Variants in FRMPD4 observed in about 807,000 individuals in gnomAD.
FRMPD4 encodes FERM and PDZ domain containing 4.
Under a neutral mutation model 94.1 loss-of-function variants are expected in FRMPD4, and 22 were observed. The ratio of observed to expected loss-of-function variants is 0.23; its 90% CI spans 0.17 to 0.33. The LOEUF is 0.33. Among genes scored for constraint, FRMPD4 ranks in the 10% least tolerant of loss-of-function variants. FRMPD4 has a pLI of 1.00. For synonymous variants in FRMPD4, 631 were observed against 548.6 expected (o/e 1.15, Z -2.10); for missense variants, 1,111 against 1,339.9 (o/e 0.83, Z 2.67).
chrX:11,952,261 C>T (rs1241279628), intron 3 of FRMPD4, among the ~76,000 whole-genome samples: 1 of 111,674 alleles, frequency 9.0e-6, no homozygotes, highest in Non-Finnish European at 1.9e-5. Context: ...CCTAAGGAGA[C>T]CTTTAGAGGA....
At chrX:11,876,433 C>G (rs145621321) in intron 2 of FRMPD4, among the ~76,000 whole-genome samples, 1 of 109,733 alleles carries the variant, frequency 9.1e-6, no homozygotes, top group East Asian at 2.9e-4. Flanking sequence ...CAATTGGGCT[C>G]AAGATTTATG....
At chrX:12,123,123 C>CTTTTTTTTT (rs58251577) in intron 3 of FRMPD4, among the ~76,000 whole-genome samples, 6 of 84,307 alleles carry the variant, frequency 7.1e-5, no homozygotes, top group Non-Finnish European at 1.2e-4. Flanking sequence ...ATTTTCTTTT[C>CTTTTTTTTT]TTTTTTTTTT....
chrX:12,073,558 A>G (rs188394571), intron 3 of FRMPD4, among the ~76,000 whole-genome samples: 23 of 111,849 alleles, frequency 2.1e-4, no homozygotes, highest in African/African-American at 7.1e-4. Flanking sequence ...ATGGCCCATA[A>G]TTTGCTGACC....
intron 3 of FRMPD4, among the ~76,000 whole-genome samples, chrX:11,992,189 T>G (rs1305206208): frequency 1.8e-5 from 2 of 111,550 alleles, no homozygotes; most frequent in Admixed American, 9.5e-5. Flanking sequence ...ATCAGAATGA[T>G]CATTCCATGG....
intron 1 of FRMPD4, among the ~76,000 whole-genome samples, chrX:12,140,979 G>A (rs1378896509): frequency 8.9e-6 from 1 of 111,964 alleles, no homozygotes; most frequent in Non-Finnish European, 1.9e-5. Flanking sequence ...TCCATCCATA[G>A]AATTCTTCTT....
At chrX:12,331,619 ATT>A (rs1491548359) in intron 1 of FRMPD4, among the ~76,000 whole-genome samples, 1 of 80,746 alleles carries the variant, frequency 1.2e-5, no homozygotes, top group Non-Finnish European at 2.3e-5. Flanking sequence ...TAATATATAT[ATT>A]ATATTACATA....
chrX:12,588,000 T>C (rs2058948037), intron 2 of FRMPD4, among the ~76,000 whole-genome samples: 1 of 112,120 alleles, frequency 8.9e-6, no homozygotes, highest in African/African-American at 3.2e-5. Context: ...TTTGTTTGTT[T>C]ATTTTTGACA....
At chrX:12,324,818 A>T (rs935767988) in intron 1 of FRMPD4, among the ~76,000 whole-genome samples, 4 of 111,899 alleles carry the variant, frequency 3.6e-5, no homozygotes, top group Admixed American at 9.5e-5. Context: ...TAGGTAAGAT[A>T]ATGGGTGTGG....
At chrX:11,875,837 G>A (rs767454993) in intron 2 of FRMPD4, among the ~76,000 whole-genome samples, 1 of 103,663 alleles carries the variant, frequency 9.6e-6, no homozygotes, top group Non-Finnish European at 2.0e-5. Flanking sequence ...TGCTGACACC[G>A]CTTACCACTT....
intron 4 of FRMPD4, among the ~76,000 whole-genome samples, chrX:12,633,943 TTTC>T (rs1369147609): frequency 1.8e-5 from 2 of 112,748 alleles, no homozygotes; most frequent in Non-Finnish European, 3.7e-5. Flanking sequence ...TATAGATTCA[TTTC>T]TTCTATGTGG....
intron 3 of FRMPD4, among the ~76,000 whole-genome samples, chrX:12,131,046 T>G (rs1332756461): frequency 9.0e-6 from 1 of 111,591 alleles, no homozygotes; most frequent in East Asian, 2.8e-4. Flanking sequence ...AAGAGGAGAT[T>G]CAGTGGGAAA....
At chrX:12,131,808 T>G (rs931176623) in intron 3 of FRMPD4, among the ~76,000 whole-genome samples, 12 of 112,162 alleles carry the variant, frequency 1.1e-4, no homozygotes, top group African/African-American at 3.2e-4. Context: ...GGTCTCACCT[T>G]TTGTCATCCC....
chrX:12,233,427 A>G (rs1445887901), intron 1 of FRMPD4, among the ~76,000 whole-genome samples: 1 of 111,537 alleles, frequency 9.0e-6, no homozygotes, highest in Non-Finnish European at 1.9e-5. Context: ...TTATCTGGCA[A>G]CCCTATATGT....
intron 2 of FRMPD4, among the ~76,000 whole-genome samples, chrX:12,565,728 T>A (rs943189067): frequency 1.8e-5 from 2 of 111,865 alleles, no homozygotes; most frequent in African/African-American, 6.5e-5. Flanking sequence ...ACTGGTGACA[T>A]CTAAGTCTGG....
At chrX:12,128,182 T>G (rs1447103551) in intron 3 of FRMPD4, among the ~76,000 whole-genome samples, 1 of 113,407 alleles carries the variant, frequency 8.8e-6, no homozygotes, top group Non-Finnish European at 1.9e-5. Context: ...GTAGCAGTGG[T>G]TCTCCATGAG....
intron 1 of FRMPD4, among the ~76,000 whole-genome samples, chrX:12,306,153 G>A (rs1752043286): frequency 9.1e-6 from 1 of 110,242 alleles, no homozygotes; most frequent in South Asian, 3.9e-4. Flanking sequence ...TGTCACTATG[G>A]TTTCTAAATT....
At chrX:11,946,572 A>T (rs1601850420) in intron 3 of FRMPD4, among the ~76,000 whole-genome samples, 1 of 111,320 alleles carries the variant, frequency 9.0e-6, no homozygotes, top group African/African-American at 3.3e-5. Context: ...GGTTAATTTT[A>T]TGTGTCAACT....
chrX:12,506,329 G>T (rs113531448), intron 2 of FRMPD4, among the ~76,000 whole-genome samples: 2 of 110,536 alleles, frequency 1.8e-5, no homozygotes, highest in African/African-American at 6.6e-5. Context: ...TCTCTCTGTC[G>T]CCAGGCTGGA....
chrX:12,132,880 GA>G (rs1165964877), intron 3 of FRMPD4, among the ~76,000 whole-genome samples: 2 of 110,353 alleles, frequency 1.8e-5, no homozygotes, highest in African/African-American at 3.3e-5. Context: ...AGCAAATGGA[GA>G]ACTTTTGGGA....
Sources: allele counts gnomAD v4.1 joint callset (sites outside exome capture counted in the v4.1 genomes callset), GRCh38; gene constraint gnomAD v4.1.1; transcripts MANE v1.5; gene names NCBI Gene and HGNC (gene_info 2026-07-23, HGNC 2026-07-21).